Variants in FAAH2 observed in about 807,000 individuals in gnomAD.
FAAH2 encodes the protein fatty-acid amide hydrolase 2.
Under a neutral mutation model 36.9 loss-of-function variants are expected in FAAH2, and 60 were observed. The observed-to-expected ratio is 1.63, with a 90% CI of 1.32 to 2.02. The LOEUF (loss-of-function observed/expected upper bound fraction) is 2.02, where lower values mean the gene tolerates loss of function less well. Ranked by LOEUF, FAAH2 falls within the 30% of genes most tolerant of loss-of-function variation. The pLI, the probability that FAAH2 is intolerant of heterozygous loss-of-function variation, is 0.00. For missense variants in FAAH2, 689 were observed against 397.5 expected (o/e 1.73, Z -6.23); for synonymous variants, 214 against 143.8 (o/e 1.49, Z -3.49).
chrX:57,392,558 C>T, intron 7 of FAAH2: 1 of 803,100 alleles, frequency 1.2e-6, no homozygotes, highest in South Asian at 2.1e-5. Context: ...CTCTTGGCTG[C>T]CTTATACTTC....
rs2055198985 is a variant in FAAH2 at position 57,392,833 on chromosome X, A to C, written c.996+11804A>C. The C allele has an allele frequency of 5.8e-6, 4 of 689,154 alleles. No individual in the cohort carries two copies. The South Asian group carries it at 8.5e-5, about 15-fold the overall frequency. 56.8% of individuals were successfully genotyped at this position (689,154 alleles called of 1,213,427 possible). A position where few individuals can be genotyped will look rare whatever the true frequency, so the allele number is the denominator to read the frequency against. ...ACACCTTTTCGCTCTGGGTTGTGAG[A>C]CAAGGACAAGTGTGTTTTGGCCATG... On this transcript the variant is annotated intron_variant, in intron 7 of 10. Transcript: ENST00000374900.
At chrX:57,474,783 C>T (rs1176970701) in intron 10 of FAAH2, among the ~76,000 whole-genome samples, 1 of 112,083 alleles carries the variant, frequency 8.9e-6, no homozygotes, top group African/African-American at 3.2e-5. Context: ...GGAATTGCCA[C>T]ATTGTCTTCC....
At chrX:57,446,092 A>T (rs1168895945) in intron 8 of FAAH2, among the ~76,000 whole-genome samples, 2 of 112,092 alleles carry the variant, frequency 1.8e-5, no homozygotes, top group Non-Finnish European at 3.8e-5. Flanking sequence ...TACCACTGGG[A>T]CAGGGCAGGA....
the FAAH2 span, among the ~76,000 whole-genome samples, chrX:57,218,365 G>A: frequency 8.9e-6 from 1 of 111,753 alleles, no homozygotes; most frequent in East Asian, 2.8e-4. Flanking sequence ...CTACATTAAG[G>A]TATGTCCCTT....
the FAAH2 span, among the ~76,000 whole-genome samples, chrX:57,223,048 C>T: frequency 6.2e-5 from 7 of 112,098 alleles, no homozygotes; most frequent in African/African-American, 1.6e-4. Context: ...TTCAAATTCT[C>T]GTTATACATT....
At chrX:57,344,706 GA>G (rs2147068996) in intron 5 of FAAH2, among the ~76,000 whole-genome samples, 1 of 111,279 alleles carries the variant, frequency 9.0e-6, no homozygotes, top group Admixed American at 9.6e-5. Flanking sequence ...CATTCAATAT[GA>G]TGTTGGCTGT....
chrX:57,140,900 T>C, the FAAH2 span, among the ~76,000 whole-genome samples: 1 of 111,642 alleles, frequency 9.0e-6, no homozygotes, highest in Admixed American at 9.5e-5. Flanking sequence ...GGTGATGGGT[T>C]CAGTAGAAGC....
At chrX:57,448,794 C>T (rs1426049982) in intron 10 of FAAH2, 76 bp downstream of exon 10, 52 of 1,032,349 alleles carry the variant, frequency 5.0e-5, no homozygotes, top group Non-Finnish European at 6.4e-5. Flanking sequence ...GCATAATTTT[C>T]TTTTGCAGTT....
At chrX:57,343,277 G>T (rs1268504635) in intron 5 of FAAH2, among the ~76,000 whole-genome samples, 1 of 111,730 alleles carries the variant, frequency 9.0e-6, no homozygotes. Context: ...CCTCATCAGT[G>T]TCAGTTATTT....
chrX:57,151,807 G>A, the FAAH2 span, among the ~76,000 whole-genome samples: 5 of 111,765 alleles, frequency 4.5e-5, no homozygotes, highest in Non-Finnish European at 9.4e-5. Flanking sequence ...GTGAGGAGCT[G>A]CATTCCTTTG....
intron 7 of FAAH2, among the ~76,000 whole-genome samples, chrX:57,401,921 G>T (rs1478695055): frequency 9.0e-6 from 1 of 111,323 alleles, no homozygotes; most frequent in Non-Finnish European, 1.9e-5. Context: ...CATGTGAAAA[G>T]AGTAAAGTTC....
intron 5 of FAAH2, among the ~76,000 whole-genome samples, chrX:57,352,027 TATATATATAC>T (rs1176094589): frequency 7.8e-5 from 1 of 12,866 alleles, no homozygotes; most frequent in African/African-American, 1.0e-4. Flanking sequence ...TGTGTATATA[TATATATATAC>T]ATATATATAT....
chrX:57,386,350 T>A (rs183435488), intron 7 of FAAH2, among the ~76,000 whole-genome samples: 19 of 111,683 alleles, frequency 1.7e-4, no homozygotes, highest in Admixed American at 1.5e-3. Flanking sequence ...GACTTATAAG[T>A]AATTAAAGGA....
chrX:57,417,763 G>T (rs1232711498), intron 7 of FAAH2, among the ~76,000 whole-genome samples: 1 of 111,939 alleles, frequency 8.9e-6, no homozygotes, highest in Non-Finnish European at 1.9e-5. Flanking sequence ...GTGCTGTTCT[G>T]GGAGATCTGC....
intron 7 of FAAH2, among the ~76,000 whole-genome samples, chrX:57,410,854 A>C (rs1021622767): frequency 9.0e-6 from 1 of 111,135 alleles, no homozygotes; most frequent in South Asian, 3.7e-4. Context: ...AGTTGTCTCT[A>C]TGAGTTTTCT....
chrX:57,285,309 C>T (rs746691840), upstream of FAAH2, among the ~76,000 whole-genome samples: 1 of 111,935 alleles, frequency 8.9e-6, no homozygotes, highest in South Asian at 3.7e-4. Context: ...ATGCCAAGCT[C>T]GAATCCCTAT....
chrX:57,341,619 T>G (rs1397495767), intron 5 of FAAH2, among the ~76,000 whole-genome samples: 1 of 110,796 alleles, frequency 9.0e-6, no homozygotes, highest in African/African-American at 3.3e-5. Flanking sequence ...ATAGTTGTTT[T>G]TTTTTTTTTC....
intron 8 of FAAH2, among the ~76,000 whole-genome samples, chrX:57,444,522 C>G (rs776972850): frequency 1.8e-5 from 2 of 111,587 alleles, no homozygotes; most frequent in Non-Finnish European, 3.8e-5. Flanking sequence ...CTTCCCTTGG[C>G]TAGGAAAGGG....
chrX:57,461,408 A>G (rs143125856), intron 10 of FAAH2, among the ~76,000 whole-genome samples: 2,408 of 111,453 alleles, frequency 0.022, 29 homozygotes, highest in Non-Finnish European at 0.033. Context: ...TGGAAGTAAA[A>G]CACTCCTCAG....
Sources: gnomAD v4.1 joint callset for allele counts (sites outside exome capture counted in the v4.1 genomes callset) on GRCh38, gnomAD v4.1.1 for gene constraint, MANE v1.5 for transcripts, NCBI Gene and HGNC (gene_info 2026-07-23, HGNC 2026-07-21) for gene names.